The following CTNNA2 variants were observed in gnomAD, a reference collection of about 807,000 sequenced individuals.
CTNNA2 encodes catenin alpha-2.
Under a neutral mutation model 101.0 loss-of-function variants are expected in CTNNA2, and 42 were observed. The ratio of observed to expected loss-of-function variants is 0.42; its 90% CI spans 0.32 to 0.54. The LOEUF (loss-of-function observed/expected upper bound fraction) is 0.54. Ranked by LOEUF, CTNNA2 falls within the 20% of genes least tolerant of loss-of-function variation. CTNNA2 has a pLI of 0.14. For synonymous variants in CTNNA2, 450 were observed against 456.4 expected (o/e 0.99, Z 0.18); for missense variants, 871 against 1,223.1 (o/e 0.71, Z 4.29).
At chr2:79,627,370 C>G (rs1679387675) in intron 1 of CTNNA2, among the ~76,000 whole-genome samples, 1 of 152,184 alleles carries the variant, frequency 6.6e-6, no homozygotes, top group Admixed American at 6.5e-5. Context: ...GGGTTGGCAT[C>G]CATGTTCTCA....
intron 7 of CTNNA2, among the ~76,000 whole-genome samples, chr2:80,317,532 C>T (rs1678242641): frequency 6.6e-6 from 1 of 152,140 alleles, no homozygotes; most frequent in Admixed American, 6.5e-5. Flanking sequence ...CTTTTTAACT[C>T]TGTAAAAGCC....
At chr2:79,593,880 GTT>G (rs945227300) in intron 1 of CTNNA2, among the ~76,000 whole-genome samples, 2 of 85,436 alleles carry the variant, frequency 2.3e-5, no homozygotes, top group Non-Finnish European at 2.1e-5. Context: ...CTTTCTTTTA[GTT>G]TTTTTTTTTT....
At chr2:79,832,799 G>A (rs191394780) in intron 3 of CTNNA2, among the ~76,000 whole-genome samples, 111 of 152,272 alleles carry the variant, frequency 7.3e-4, no homozygotes, top group African/African-American at 2.6e-3. Flanking sequence ...ACAAGGCTTC[G>A]CAGTGGTTAT....
intron 1 of CTNNA2, among the ~76,000 whole-genome samples, chr2:79,526,186 A>C (rs1672395370): frequency 6.6e-6 from 1 of 152,032 alleles, no homozygotes; most frequent in South Asian, 2.1e-4. Flanking sequence ...AAAATGTTTC[A>C]ACTGGTAAAA....
intron 3 of CTNNA2, among the ~76,000 whole-genome samples, chr2:79,357,755 A>G (rs1255702326): frequency 1.3e-5 from 2 of 152,356 alleles, no homozygotes; most frequent in African/African-American, 2.4e-5. Flanking sequence ...AATGCCTTCA[A>G]ATGAGCAACA....
At chr2:80,436,439 T>A (rs1682032423) in intron 9 of CTNNA2, among the ~76,000 whole-genome samples, 1 of 146,468 alleles carries the variant, frequency 6.8e-6, no homozygotes, top group South Asian at 2.3e-4. Flanking sequence ...CATGAGATGC[T>A]CTGGGGGGTG....
chr2:79,462,508 T>G (rs150411701), intron 4 of CTNNA2, among the ~76,000 whole-genome samples: 39 of 152,312 alleles, frequency 2.6e-4, no homozygotes, highest in African/African-American at 9.4e-4. Flanking sequence ...GTGACTATCT[T>G]TTGGCACAAT....
At chr2:80,238,114 C>T (rs1709641509) in intron 7 of CTNNA2, among the ~76,000 whole-genome samples, 1 of 152,146 alleles carries the variant, frequency 6.6e-6, no homozygotes, top group Non-Finnish European at 1.5e-5. Context: ...CCCCTGGCTC[C>T]AGCACTGTTC....
At chr2:80,589,277 C>G (rs1396858524) in intron 14 of CTNNA2, 27 bp from the exon 15 acceptor site, 1 of 1,611,000 alleles carries the variant, frequency 6.2e-7, no homozygotes, top group Admixed American at 1.7e-5. Context: ...GTCACCGTCA[C>G]TCACGCTTTT....
At chr2:80,098,453 C>A (rs1700317480) in intron 7 of CTNNA2, among the ~76,000 whole-genome samples, 1 of 152,222 alleles carries the variant, frequency 6.6e-6, no homozygotes, top group Non-Finnish European at 1.5e-5. Context: ...ACTCGGGGAT[C>A]AGGGACCCAC....
chr2:79,570,594 A>G (rs1675403797), intron 1 of CTNNA2, among the ~76,000 whole-genome samples: 1 of 152,196 alleles, frequency 6.6e-6, no homozygotes, highest in South Asian at 2.1e-4. Context: ...TTTAGAATTC[A>G]GAACACTTTT....
At chr2:79,720,161 A>G (rs934538036) in intron 2 of CTNNA2, among the ~76,000 whole-genome samples, 1 of 152,082 alleles carries the variant, frequency 6.6e-6, no homozygotes, top group African/African-American at 2.4e-5. Context: ...TCCTTTCCCC[A>G]TTGCTTGCTT....
At chr2:80,139,045 C>G (rs929693290) in intron 7 of CTNNA2, among the ~76,000 whole-genome samples, 7 of 152,092 alleles carry the variant, frequency 4.6e-5, no homozygotes, top group African/African-American at 1.7e-4. Flanking sequence ...TAAAGTTGCT[C>G]TAAGCGACCT....
intron 7 of CTNNA2, among the ~76,000 whole-genome samples, chr2:80,287,378 A>G (rs1280442043): frequency 1.3e-5 from 2 of 152,130 alleles, no homozygotes; most frequent in Non-Finnish European, 2.9e-5. Flanking sequence ...CACATATACT[A>G]CTTTATATGA....
intron 7 of CTNNA2, chr2:80,162,572 G>A: frequency 6.2e-7 from 1 of 1,609,930 alleles, no homozygotes; most frequent in Non-Finnish European, 8.5e-7. Flanking sequence ...TGTAATGATG[G>A]TCAGACCCAT....
chr2:80,438,602 C>T (rs182336040), intron 9 of CTNNA2, among the ~76,000 whole-genome samples: 3 of 152,218 alleles, frequency 2.0e-5, no homozygotes, highest in Admixed American at 6.5e-5. Context: ...CAGATTCTTT[C>T]ACCTTATTTA....
At chr2:79,812,318 T>C (rs1032523014) in intron 3 of CTNNA2, among the ~76,000 whole-genome samples, 1 of 152,194 alleles carries the variant, frequency 6.6e-6, no homozygotes, top group Admixed American at 6.5e-5. Context: ...GTTCCTGATA[T>C]TAGAGAGACA....
intron 4 of CTNNA2, among the ~76,000 whole-genome samples, chr2:79,422,367 AG>A (rs1001344300): frequency 4.6e-5 from 7 of 152,124 alleles, no homozygotes; most frequent in African/African-American, 1.4e-4. Context: ...CAACTAGAAG[AG>A]GGTGAGCTAC....
At chr2:80,371,600 C>T (rs1675448656) in intron 7 of CTNNA2, among the ~76,000 whole-genome samples, 1 of 149,888 alleles carries the variant, frequency 6.7e-6, no homozygotes, top group Non-Finnish European at 1.5e-5. Context: ...TGAATGAGAT[C>T]ATCAATAAAC....
Sources: gnomAD v4.1 joint callset for allele counts (sites outside exome capture counted in the v4.1 genomes callset) on GRCh38, gnomAD v4.1.1 for gene constraint, MANE v1.5 for transcripts, NCBI Gene and HGNC (gene_info 2026-07-23, HGNC 2026-07-21) for gene names.